The following PLEK2 variants were observed in gnomAD, a reference collection of about 807,000 sequenced individuals.
PLEK2 encodes the protein pleckstrin-2.
PLEK2 carries 29 observed loss-of-function variants against 43.8 expected under a neutral mutation model. The ratio of observed to expected loss-of-function variants is 0.66; its 90% CI spans 0.49 to 0.90. The LOEUF is 0.90. PLEK2 is among the 40% of genes least tolerant of loss of function. The probability of loss-of-function intolerance (pLI) is 0.00; values close to 1 mark genes in which losing one functional copy is unlikely to be tolerated. For synonymous variants in PLEK2, 162 were observed against 173.2 expected (o/e 0.94, Z 0.51); for missense variants, 398 against 448.1 (o/e 0.89, Z 1.01).
At chr14:67,402,333 G>C (rs970079094) in intron 1 of PLEK2, among the ~76,000 whole-genome samples, 1 of 152,036 alleles carries the variant, frequency 6.6e-6, no homozygotes, top group Non-Finnish European at 1.5e-5. Context: ...GGGTACATGA[G>C]CTATTTTGAT....
At chr14:67,393,634 A>G (rs760786056) in intron 3 of PLEK2, among the ~76,000 whole-genome samples, 4 of 151,976 alleles carry the variant, frequency 2.6e-5, no homozygotes, top group African/African-American at 4.8e-5. Flanking sequence ...TTGTAGTTTT[A>G]GTAGAGATGG....
At chr14:67,399,642 G>A (rs2086034111) in intron 1 of PLEK2, among the ~76,000 whole-genome samples, 1 of 148,270 alleles carries the variant, frequency 6.7e-6, no homozygotes, top group Non-Finnish European at 1.5e-5. Flanking sequence ...GGTAGTTTAG[G>A]TGGTTCTCAG....
intron 1 of PLEK2, 75 bp from the exon 2 acceptor site, chr14:67,397,901 T>C (rs1186194217): frequency 1.6e-6 from 2 of 1,234,070 alleles, no homozygotes; most frequent in South Asian, 1.5e-5. Flanking sequence ...GGGTGTCTGG[T>C]GGCACAAGTA....
chr14:67,401,875 A>T (rs2086050615), intron 1 of PLEK2, among the ~76,000 whole-genome samples: 1 of 152,064 alleles, frequency 6.6e-6, no homozygotes, highest in South Asian at 2.1e-4. Context: ...TGTAATTCCA[A>T]CATTTTGGGA....
chr14:67,401,697 C>T (rs57402080), intron 1 of PLEK2, among the ~76,000 whole-genome samples: 9,490 of 152,094 alleles, frequency 0.062, 635 homozygotes, highest in African/African-American at 0.16. Context: ...CCATGAGAAA[C>T]AAATCTCAGT....
chr14:67,393,227 T>A lies in PLEK2; in HGVS notation c.404A>T (p.Lys135Met), dbSNP rs776532548. Reference sequence around the variant, plus strand: ...GATTCCGGTGTTGCTATCGTGCATCTTGTCCACAATGCGACTACATGGAAG... The same window carrying A: ...GATTCCGGTGTTGCTATCGTGCATCATGTCCACAATGCGACTACATGGAAG... ...PHISLHRIVD[K>M]MHDSNTGIRS... The change falls in exon 4 of 9, where the codon AAG becomes ATG. Residue 135 changes from lysine (K) to methionine (M), a missense_variant. Coordinates refer to ENST00000216446, the MANE Select transcript of PLEK2 (RefSeq NM_016445.3). The A allele has an allele frequency of 6.2e-7, 1 of 1,613,212 alleles. No homozygotes were observed. The highest frequency in any genetic ancestry group is 8.5e-7 in the Non-Finnish European group (1 of 1,179,150).
At chr14:67,410,777 A>T (rs947771590) in intron 1 of PLEK2, among the ~76,000 whole-genome samples, 1 of 152,218 alleles carries the variant, frequency 6.6e-6, no homozygotes, top group African/African-American at 2.4e-5. Flanking sequence ...TAGAAGAACC[A>T]GAAAGCTCAG....
intron 1 of PLEK2, among the ~76,000 whole-genome samples, chr14:67,403,938 G>A (rs1303890912): frequency 6.6e-6 from 1 of 152,110 alleles, no homozygotes. Context: ...TGTAGTCTCA[G>A]CCAACTCAAG....
rs144517635 is a variant in PLEK2, at chr14:67,390,687, G to A, written c.831C>T (p.Phe277=). 52 of 1,613,550 alleles carry A rather than the reference G, an allele frequency of 3.2e-5. No homozygotes were observed. In the African/African-American group the frequency reaches 6.0e-4, roughly 19 times the overall value. Residue 277 remains phenylalanine, a synonymous_variant, in exon 7 of 9, where the codon TTC becomes TTT. Coordinates refer to ENST00000216446, the MANE Select transcript of PLEK2 (RefSeq NM_016445.3). ...CTTTGGAAGGGTCATAGTAATGCAG[G>A]AAAGCTGGATCCTTCCTTAGAACAA... is the stretch of plus-strand genomic sequence containing the variant. The part of the protein sequence containing the change: ...RRFVLRKDPA[F]LHYYDPSKEE...
chr14:67,408,721 C>T (rs191693641), intron 1 of PLEK2, among the ~76,000 whole-genome samples: 6 of 152,316 alleles, frequency 3.9e-5, no homozygotes, highest in African/African-American at 1.4e-4. Context: ...AGAGGCAGCA[C>T]GGCCCTGGCA....
intron 1 of PLEK2, among the ~76,000 whole-genome samples, chr14:67,406,302 C>T (rs1048955251): frequency 6.6e-6 from 1 of 150,474 alleles, no homozygotes; most frequent in African/African-American, 2.5e-5. Context: ...ATTTGTTATA[C>T]AACAATCAAT....
intron 1 of PLEK2, among the ~76,000 whole-genome samples, chr14:67,411,294 G>T (rs1278144978): frequency 6.6e-6 from 1 of 152,190 alleles, no homozygotes; most frequent in African/African-American, 2.4e-5. Context: ...TGGTGGGGAA[G>T]GACTGAGGAG....
intron 1 of PLEK2, among the ~76,000 whole-genome samples, chr14:67,405,124 T>C (rs1159442608): frequency 6.8e-6 from 1 of 147,808 alleles, no homozygotes; most frequent in Non-Finnish European, 1.5e-5. Context: ...TCCCAGCTAC[T>C]CAGGAGGCTG....
chr14:67,396,121 G>A (rs2086006504), intron 2 of PLEK2, among the ~76,000 whole-genome samples: 2 of 151,940 alleles, frequency 1.3e-5, no homozygotes, highest in African/African-American at 4.8e-5. Flanking sequence ...TTCCCATCCA[G>A]GTCGCTTTGT....
chr14:67,397,688 G>A lies in PLEK2; in HGVS notation c.181C>T (p.Pro61Ser), dbSNP rs147132197. The change falls in exon 2 of 9, where the codon CCC becomes TCC. Residue 61 changes from proline (P) to serine (S), a missense_variant. Pro to Ser is a moderately conservative substitution (Grantham distance 74, BLOSUM62 -1). Transcript: ENST00000216446. Reference protein sequence around the residue: ...ILLDGCTITCPCLEYENRPLL... With the variant: ...ILLDGCTITCSCLEYENRPLL... ...GGTCGGTTTTCATACTCCAGGCAGG[G>A]GCAGGTGATGGTGCAGCCATCCAGG... 12 of 1,612,962 alleles carry A rather than the reference G, an allele frequency of 7.4e-6. No individual in the cohort carries two copies. The highest frequency in any genetic ancestry group is 1.6e-4 in the Middle Eastern group (1 of 6,084).
In PLEK2 at chr14:67,395,635, G is replaced by A. The variant is rs762294275; in HGVS notation, c.208-52C>T. 27 of 1,548,322 alleles carry A rather than the reference G, an allele frequency of 1.7e-5. No homozygotes were observed. In the Admixed American group the frequency reaches 2.3e-4, roughly 13 times the overall value. ...CAGCACTCAGGCAGAGCAAGAGGAC[G>A]CCGGGCAGCAAAAATGACGGGGCCC... On this transcript the variant is annotated intron_variant, in intron 2 of 8. Transcript: ENST00000216446.
chr14:67,387,461 G>T lies in PLEK2; in HGVS notation c.935-5C>A. The T allele has an allele frequency of 6.3e-7, 1 of 1,597,020 alleles. No individual in the cohort carries two copies. The highest frequency in any genetic ancestry group is 1.1e-5 in the South Asian group (1 of 87,590). On this transcript the variant is annotated splice_region_variant and splice_polypyrimidine_tract_variant and intron_variant, in intron 8 of 8. Coordinates refer to ENST00000216446, the MANE Select transcript of PLEK2 (RefSeq NM_016445.3). The stretch of plus-strand genomic sequence containing the variant: ...CCTGGACATTCCCTTTAACCCCTAG[G>T]CAGAAAAAAGGGGGAAAAAAATCAG...
In PLEK2 at chr14:67,388,318, G is replaced by T; in HGVS notation, c.856-16C>A. On this transcript the variant is annotated splice_polypyrimidine_tract_variant and intron_variant, in intron 7 of 8. Coordinates refer to ENST00000216446, the MANE Select transcript of PLEK2 (RefSeq NM_016445.3). ...TGTTCTCTTCCTGTAGAGGAAAGGA[G>T]ACCCAATTAGGAATTTGTGAATGAA... is the stretch of plus-strand genomic sequence containing the variant. The T allele has an allele frequency of 6.4e-7, 1 of 1,551,512 alleles. No individual in the cohort carries two copies. The highest frequency in any genetic ancestry group is 8.9e-7 in the Non-Finnish European group (1 of 1,123,050).
In PLEK2 at chr14:67,392,683, G is replaced by C. The variant is rs58627213; in HGVS notation, c.648C>G (p.Asp216Glu). 160 of 1,614,072 alleles carry C rather than the reference G, an allele frequency of 9.9e-5. No homozygotes were observed. The African/African-American group carries it at 2.0e-3, about 21-fold the overall frequency. Residue 216 changes from aspartate (D) to glutamate (E), a missense_variant, in exon 5 of 9, where the codon GAC (aspartate) becomes GAG (glutamate). Asp to Glu is a conservative substitution (Grantham distance 45, BLOSUM62 2). Transcript: ENST00000216446. Reference protein sequence around the residue: ...SGDLAEQFLDDSTALYTFAES... With the variant: ...SGDLAEQFLDESTALYTFAES... The stretch of plus-strand genomic sequence containing the variant: ...TTACAAAAGTGTACAGGGCTGTGGA[G>C]TCATCCAGGAACTGCTCGGCCAGAT...
Sources: gnomAD v4.1 joint callset for allele counts (sites outside exome capture counted in the v4.1 genomes callset) on GRCh38, gnomAD v4.1.1 for gene constraint, MANE v1.5 for transcripts, NCBI Gene and HGNC (gene_info 2026-07-23, HGNC 2026-07-21) for gene names.